The following CCDC6 variants were observed in gnomAD, a reference collection of about 807,000 sequenced individuals.
CCDC6 encodes coiled-coil domain-containing protein 6.
Under a neutral mutation model 56.6 loss-of-function variants are expected in CCDC6, and 20 were observed. The ratio of observed to expected loss-of-function variants is 0.35; its 90% CI spans 0.25 to 0.51. CCDC6 has a LOEUF of 0.51. Ranked by LOEUF, CCDC6 falls within the 20% of genes least tolerant of loss-of-function variation. The pLI, the probability that CCDC6 is intolerant of heterozygous loss-of-function variation, is 0.95. For synonymous variants in CCDC6, 241 were observed against 234.4 expected, an observed-to-expected ratio of 1.03 and a Z score of -0.26; for missense variants, 367 against 601.1, an observed-to-expected ratio of 0.61 and a Z score of 4.07.
At chr10:59,800,566 AAT>A (rs1358009464) in intron 7 of CCDC6, among the ~76,000 whole-genome samples, 1 of 152,182 alleles carries the variant, frequency 6.6e-6, no homozygotes, top group Non-Finnish European at 1.5e-5. Context: ...AAGGGTATAC[AAT>A]ATACACAATT....
intron 2 of CCDC6, among the ~76,000 whole-genome samples, chr10:59,852,233 G>GA (rs2071046226): frequency 1.3e-5 from 2 of 152,144 alleles, no homozygotes; most frequent in Non-Finnish European, 1.5e-5. Flanking sequence ...CATAAAAGGA[G>GA]AAAAATTTCA....
chr10:59,843,088 G>A (rs912974605), intron 2 of CCDC6, among the ~76,000 whole-genome samples: 4 of 152,038 alleles, frequency 2.6e-5, no homozygotes, highest in African/African-American at 7.2e-5. Context: ...GGGTTTCACC[G>A]TGTTAGCCAG....
Position 59,788,903 on chromosome 10 carries a change from C to T in CCDC6, c.*4014G>A, listed in dbSNP as rs2070442505. The T allele has an allele frequency of 4.7e-6, 1 of 210,964 alleles. No individual in the cohort carries two copies. The highest frequency in any genetic ancestry group is 9.6e-6 in the Non-Finnish European group (1 of 104,044). 13.1% of individuals were successfully genotyped at this position (210,964 alleles called of 1,614,324 possible). ...CTGACCAAGAATGTCAAGATTGCCACTATTACCAGAACTCCAACCTAGTCA... is the reference window on the plus strand; with the variant it reads ...CTGACCAAGAATGTCAAGATTGCCATTATTACCAGAACTCCAACCTAGTCA... On this transcript the variant is annotated 3_prime_UTR_variant, in exon 9 of 9. Transcript: ENST00000263102.
At chr10:59,826,198 C>T (rs2070786689) in intron 3 of CCDC6, among the ~76,000 whole-genome samples, 2 of 152,180 alleles carry the variant, frequency 1.3e-5, no homozygotes, top group African/African-American at 2.4e-5. Flanking sequence ...ACAGCAGATA[C>T]CAAAACCTCC....
intron 2 of CCDC6, among the ~76,000 whole-genome samples, chr10:59,843,390 A>G (rs2070959690): frequency 6.6e-6 from 1 of 152,194 alleles, no homozygotes; most frequent in South Asian, 2.1e-4. Context: ...TTTCAAACGT[A>G]TTGCCCTATA....
chr10:59,896,589 T>TAA (rs143958914), intron 1 of CCDC6, among the ~76,000 whole-genome samples: 38 of 144,552 alleles, frequency 2.6e-4, no homozygotes, highest in Admixed American at 4.1e-4. Flanking sequence ...AGTCTTTCTT[T>TAA]AAAAAAAAAA....
chr10:59,805,799 A>T (rs965218391), intron 6 of CCDC6, among the ~76,000 whole-genome samples: 10 of 152,190 alleles, frequency 6.6e-5, no homozygotes, highest in African/African-American at 2.2e-4. Flanking sequence ...TTCTCATTAT[A>T]AAAATATAGA....
intron 7 of CCDC6, among the ~76,000 whole-genome samples, chr10:59,802,331 G>A (rs1400382520): frequency 6.6e-6 from 1 of 152,140 alleles, no homozygotes; most frequent in South Asian, 2.1e-4. Context: ...AAAATTCAGA[G>A]CCAATATGTT....
intron 2 of CCDC6, among the ~76,000 whole-genome samples, 186 bp from the exon 3 acceptor site, chr10:59,832,839 G>A (rs903768471): frequency 8.5e-5 from 13 of 152,162 alleles, no homozygotes; most frequent in African/African-American, 2.7e-4. Context: ...AAAACCAAAA[G>A]TCATAGGGAA....
intron 1 of CCDC6, among the ~76,000 whole-genome samples, chr10:59,855,688 C>T (rs1343553204): frequency 1.3e-5 from 2 of 152,204 alleles, no homozygotes; most frequent in African/African-American, 4.8e-5. Context: ...AGGGCTAATA[C>T]TTTGTACAAC....
At chr10:59,843,538 G>C (rs1269076623) in intron 2 of CCDC6, among the ~76,000 whole-genome samples, 1 of 152,078 alleles carries the variant, frequency 6.6e-6, no homozygotes, top group African/African-American at 2.4e-5. Context: ...GTATACGCCC[G>C]GTAATTCCAA....
chr10:59,882,545 G>C lies in CCDC6; in HGVS notation c.303+23577C>G, dbSNP rs1227725827. Among the ~76,000 whole-genome samples the C allele has an allele frequency of 3.9e-4, 29 of 74,838 alleles. 11 individuals carry two copies. The highest frequency in any genetic ancestry group is 8.6e-4 in the Admixed American group (7 of 8,096). 49.1% of individuals were successfully genotyped at this position (74,838 alleles called of 152,430 possible). ...AGGGGGAGAAGGAAAGGAAAGCCGC[G>C]GGGAGAAGGAAAGGAAAGCCGCGGG... On this transcript the variant is annotated intron_variant, in intron 1 of 8. Coordinates refer to ENST00000263102, the MANE Select transcript of CCDC6 (RefSeq NM_005436.5).
At chr10:59,815,365 A>T (rs2070702827) in intron 3 of CCDC6, among the ~76,000 whole-genome samples, 2 of 152,308 alleles carry the variant, frequency 1.3e-5, no homozygotes, top group South Asian at 4.1e-4. Context: ...GGGAACCCCA[A>T]CAGTGTTCTA....
chr10:59,810,205 C>G (rs1003509234), intron 5 of CCDC6, among the ~76,000 whole-genome samples: 2 of 152,162 alleles, frequency 1.3e-5, no homozygotes, highest in African/African-American at 2.4e-5. Flanking sequence ...CCAAAAGAGG[C>G]CCAGGTCATC....
At chr10:59,834,575 A>AG (rs916097827) in intron 2 of CCDC6, among the ~76,000 whole-genome samples, 3 of 151,838 alleles carry the variant, frequency 2.0e-5, no homozygotes, top group African/African-American at 7.3e-5. Context: ...AAAAGAAAAA[A>AG]AAAAAAGAAA....
chr10:59,859,177 G>GA (rs1027583149), intron 1 of CCDC6, among the ~76,000 whole-genome samples: 6 of 144,238 alleles, frequency 4.2e-5, no homozygotes, highest in South Asian at 2.3e-4. Flanking sequence ...AAGGTTTCTG[G>GA]AAAAAAAAAT....
intron 2 of CCDC6, among the ~76,000 whole-genome samples, chr10:59,833,404 G>C (rs1437826377): frequency 1.3e-5 from 2 of 152,124 alleles, no homozygotes; most frequent in Non-Finnish European, 2.9e-5. Context: ...AGCTGAGATA[G>C]TGCCATTGCA....
chr10:59,882,591 G>C (rs147647280), intron 1 of CCDC6, among the ~76,000 whole-genome samples: 2 of 44,414 alleles, frequency 4.5e-5, no homozygotes, highest in Non-Finnish European at 5.9e-5. Context: ...GGAAAGCCGC[G>C]GGGAGAAGGA....
chr10:59,809,584 T>C (rs903074879), intron 5 of CCDC6, among the ~76,000 whole-genome samples: 10 of 152,198 alleles, frequency 6.6e-5, no homozygotes, highest in African/African-American at 1.9e-4. Context: ...CCTGACCAGA[T>C]TTGTTCCTAT....
Sources: gnomAD v4.1 joint callset for allele counts (sites outside exome capture counted in the v4.1 genomes callset) on GRCh38, gnomAD v4.1.1 for gene constraint, MANE v1.5 for transcripts, NCBI Gene and HGNC (gene_info 2026-07-23, HGNC 2026-07-21) for gene names.